Variants in CCDC30 observed in about 807,000 individuals in gnomAD.
CCDC30 encodes coiled-coil domain containing 30.
In CCDC30, 70 loss-of-function variants were observed where a neutral mutation model predicts 100.2. That is an observed-to-expected ratio of 0.70 (90% confidence interval 0.58 to 0.85). The LOEUF is 0.85. Ranked by LOEUF, CCDC30 falls within the 40% of genes least tolerant of loss-of-function variation. The pLI is 0.00. For synonymous variants in CCDC30, 233 were observed against 269.5 expected (o/e 0.86, Z 1.33); for missense variants, 652 against 771.2 (o/e 0.85, Z 1.83).
At chr1:42,589,120 A>G (rs1319833239) in intron 9 of CCDC30, among the ~76,000 whole-genome samples, 2 of 152,132 alleles carry the variant, frequency 1.3e-5, no homozygotes, top group Non-Finnish European at 2.9e-5. Flanking sequence ...TCATAGGGTC[A>G]TTTTGATGAG....
At chr1:42,504,184 A>C (rs896846402) in intron 6 of CCDC30, among the ~76,000 whole-genome samples, 3 of 152,370 alleles carry the variant, frequency 2.0e-5, no homozygotes, top group African/African-American at 7.2e-5. Flanking sequence ...TTTGTGGCTT[A>C]AGAATGCCTT....
At chr1:42,579,423 C>T (rs1645914148) in intron 8 of CCDC30, among the ~76,000 whole-genome samples, 1 of 151,582 alleles carries the variant, frequency 6.6e-6, no homozygotes, top group Admixed American at 6.6e-5. Flanking sequence ...CACCTGAGGT[C>T]AGGAGTTCGA....
chr1:42,500,539 G>C (rs1019186985), intron 6 of CCDC30, among the ~76,000 whole-genome samples: 1 of 151,608 alleles, frequency 6.6e-6, no homozygotes, highest in African/African-American at 2.4e-5. Flanking sequence ...TCAGCTTCCC[G>C]AGTAGCTGGG....
At chr1:42,642,680 T>C (rs1462827292) in intron 13 of CCDC30, 71 bp downstream of exon 17, 7 of 1,339,742 alleles carry the variant, frequency 5.2e-6, no homozygotes, top group Non-Finnish European at 5.9e-6. Context: ...AAGAGATGGT[T>C]CTAGAGACTG....
intron 12 of CCDC30, among the ~76,000 whole-genome samples, chr1:42,637,763 G>A (rs977361595): frequency 6.6e-6 from 1 of 152,180 alleles, no homozygotes; most frequent in South Asian, 2.1e-4. Context: ...GTGAAAATAG[G>A]TGATCCTTAC....
chr1:42,616,258 C>T (rs1234870119), intron 11 of CCDC30, among the ~76,000 whole-genome samples: 1 of 152,122 alleles, frequency 6.6e-6, no homozygotes. Context: ...GAATGTTTTT[C>T]CACATTATTT....
At chr1:42,653,964 T>C (rs1349229035) in exon 17 of CCDC30, 1 of 1,614,118 alleles carries the variant, frequency 6.2e-7, no homozygotes, top group Non-Finnish European at 8.5e-7. Context: ...GCTGGATACA[T>C]AAATGTGGCT....
intron 10 of CCDC30, among the ~76,000 whole-genome samples, chr1:42,598,439 G>A (rs571247680): frequency 1.1e-3 from 166 of 152,020 alleles, no homozygotes; most frequent in African/African-American, 3.8e-3. Context: ...GGGACTGGGA[G>A]TGGGTTAAGG....
At chr1:42,613,843 G>C (rs1646673346) in intron 11 of CCDC30, among the ~76,000 whole-genome samples, 1 of 151,946 alleles carries the variant, frequency 6.6e-6, no homozygotes, top group Non-Finnish European at 1.5e-5. Flanking sequence ...ATCTTGTGCC[G>C]ACTTCCTATC....
chr1:42,543,210 T>C (rs944019547), intron 6 of CCDC30, among the ~76,000 whole-genome samples: 1 of 151,550 alleles, frequency 6.6e-6, no homozygotes, highest in Non-Finnish European at 1.5e-5. Flanking sequence ...CCTGACCTCA[T>C]GATCTGCCCA....
intron 15 of CCDC30, among the ~76,000 whole-genome samples, chr1:42,647,487 G>C (rs1647981744): frequency 6.6e-6 from 1 of 152,152 alleles, no homozygotes; most frequent in Non-Finnish European, 1.5e-5. Context: ...CCTAATAATA[G>C]TGGGGACTTT....
At chr1:42,576,878 G>A in intron 7 of CCDC30, 142 bp from the exon 12 acceptor site, 1 of 622,788 alleles carries the variant, frequency 1.6e-6, no homozygotes, top group Non-Finnish European at 2.8e-6. Flanking sequence ...ACTCTTACAT[G>A]GCAGCTCTAA....
chr1:42,607,603 T>C (rs963942103), intron 10 of CCDC30, among the ~76,000 whole-genome samples: 3 of 134,906 alleles, frequency 2.2e-5, no homozygotes, highest in African/African-American at 8.2e-5. Flanking sequence ...ATTGAGGAAA[T>C]AGGATATCTG....
chr1:42,510,426 A>C (rs1410386379), intron 6 of CCDC30, among the ~76,000 whole-genome samples: 1 of 152,158 alleles, frequency 6.6e-6, no homozygotes, highest in East Asian at 1.9e-4. Flanking sequence ...TGGGGGGCCA[A>C]GGTGGGCAGA....
intron 10 of CCDC30, among the ~76,000 whole-genome samples, chr1:42,610,200 T>A (rs1257002993): frequency 6.6e-6 from 1 of 152,218 alleles, no homozygotes; most frequent in Admixed American, 6.5e-5. Context: ...TACCAGCAAC[T>A]ATAAGTGATA....
intron 6 of CCDC30, among the ~76,000 whole-genome samples, chr1:42,528,370 C>T (rs555301280): frequency 3.0e-4 from 45 of 152,214 alleles, no homozygotes; most frequent in African/African-American, 7.0e-4. Flanking sequence ...TTCATATATC[C>T]GTGTGAAGGA....
At chr1:42,471,472 A>G (rs1643769322) in intron 1 of CCDC30, among the ~76,000 whole-genome samples, 1 of 152,202 alleles carries the variant, frequency 6.6e-6, no homozygotes, top group South Asian at 2.1e-4. Flanking sequence ...ACATAGTTAT[A>G]ATAATACTTT....
intron 10 of CCDC30, chr1:42,592,380 G>A (rs1466364355): frequency 6.6e-6 from 1 of 152,162 alleles, no homozygotes; most frequent in Non-Finnish European, 1.5e-5. Flanking sequence ...CCTCATAATA[G>A]TGAGTGTGCT....
chr1:42,598,233 G>C (rs923305075), intron 10 of CCDC30, among the ~76,000 whole-genome samples: 1 of 147,998 alleles, frequency 6.8e-6, no homozygotes, highest in Non-Finnish European at 1.5e-5. Context: ...AAAGGTGAGG[G>C]AAGCTGGGCA....
Sources: allele counts gnomAD v4.1 joint callset (sites outside exome capture counted in the v4.1 genomes callset), GRCh38; gene constraint gnomAD v4.1.1; transcripts MANE v1.5; gene names NCBI Gene and HGNC (gene_info 2026-07-23, HGNC 2026-07-21).